The following SHROOM3 variants were observed in gnomAD, a reference collection of about 807,000 sequenced individuals.
The protein encoded by SHROOM3 is shroom family member 3.
Under a neutral mutation model 138.6 loss-of-function variants are expected in SHROOM3, and 47 were observed. The ratio of observed to expected loss-of-function variants is 0.34; its 90% CI spans 0.27 to 0.43. The LOEUF (loss-of-function observed/expected upper bound fraction) is 0.43, where lower values mean the gene tolerates loss of function less well. SHROOM3 is among the 20% of genes least tolerant of loss of function. The pLI, the probability that SHROOM3 is intolerant of heterozygous loss-of-function variation, is 1.00. For missense variants in SHROOM3, 2,491 were observed against 2,596.5 expected (o/e 0.96, Z 0.88); for synonymous variants, 1,062 against 1,063.3 (o/e 1.00, Z 0.02).
At chr4:76,555,513 G>T in intron 1 of SHROOM3, 96 bp from the exon 2 acceptor site, 1 of 1,572,880 alleles carries the variant, frequency 6.4e-7, no homozygotes, top group Non-Finnish European at 8.7e-7. Flanking sequence ...GGTCCGTTGG[G>T]CTCTGCAGGA....
At chr4:76,572,153 G>T (rs1290917570) in intron 2 of SHROOM3, among the ~76,000 whole-genome samples, 2 of 152,134 alleles carry the variant, frequency 1.3e-5, no homozygotes, top group African/African-American at 4.8e-5. Flanking sequence ...GAGATGATTT[G>T]CTAATCTTTG....
chr4:76,534,033 T>A (rs1168598055), intron 1 of SHROOM3, among the ~76,000 whole-genome samples: 1 of 152,052 alleles, frequency 6.6e-6, no homozygotes, highest in Non-Finnish European at 1.5e-5. Context: ...GGTTCAAGAG[T>A]CTATGGCATG....
At position 76,774,720 on chromosome 4, in the gene SHROOM3, G is replaced by GTTT. The variant is rs71212453; in HGVS notation, c.5622+3834_5622+3836dup. Among the ~76,000 whole-genome samples, 5 of 112,260 alleles carry GTTT rather than the reference G, an allele frequency of 4.5e-5. No homozygotes were observed. The South Asian group carries it at 1.2e-3, about 28-fold the overall frequency. 73.6% of individuals were successfully genotyped at this position (112,260 alleles called of 152,430 possible). On this transcript the variant is annotated intron_variant, in intron 10 of 10. Coordinates refer to ENST00000296043, the MANE Select transcript of SHROOM3 (RefSeq NM_020859.4). ...CAGGGTTTTTTGGGGTTTTTTTTTT[G>GTTT]TTTTTTTTTTTTTTAAGGTATGTTT...
chr4:76,752,977 A>C (rs1208791851), intron 6 of SHROOM3, among the ~76,000 whole-genome samples: 1 of 152,228 alleles, frequency 6.6e-6, no homozygotes, highest in Non-Finnish European at 1.5e-5. Flanking sequence ...TGTATGCTAC[A>C]GTCTGGAGAG....
chr4:76,486,322 C>T (rs1040803360), intron 1 of SHROOM3, among the ~76,000 whole-genome samples: 1 of 152,158 alleles, frequency 6.6e-6, no homozygotes, highest in Non-Finnish European at 1.5e-5. Context: ...GATTATTTGC[C>T]TATAAACAAG....
At chr4:76,684,252 G>A (rs554867256) in intron 2 of SHROOM3, among the ~76,000 whole-genome samples, 1 of 152,282 alleles carries the variant, frequency 6.6e-6, no homozygotes, top group East Asian at 1.9e-4. Context: ...TAATGACTTG[G>A]AGCTGCTGAC....
intron 2 of SHROOM3, among the ~76,000 whole-genome samples, chr4:76,601,794 A>G (rs912861131): frequency 5.9e-5 from 9 of 152,228 alleles, no homozygotes; most frequent in African/African-American, 2.2e-4. Context: ...GGTGTGAGCC[A>G]CGGCGCCCAG....
At chr4:76,441,326 C>A (rs918498609) in intron 1 of SHROOM3, among the ~76,000 whole-genome samples, 3 of 152,110 alleles carry the variant, frequency 2.0e-5, no homozygotes, top group African/African-American at 7.2e-5. Context: ...ATCTCCTGAC[C>A]TCGTGATCCA....
chr4:76,633,006 G>T (rs1038517989), intron 2 of SHROOM3, among the ~76,000 whole-genome samples: 2 of 152,192 alleles, frequency 1.3e-5, no homozygotes, highest in Non-Finnish European at 1.5e-5. Context: ...TCCTCAGGAG[G>T]TAGGAGCTGT....
intron 1 of SHROOM3, among the ~76,000 whole-genome samples, chr4:76,436,972 GCTT>G (rs1424411687): frequency 6.6e-6 from 1 of 152,052 alleles, no homozygotes; most frequent in Non-Finnish European, 1.5e-5. Flanking sequence ...GATTATAATG[GCTT>G]TTCACACATG....
chr4:76,767,657 A>G (rs1329736849), intron 9 of SHROOM3, among the ~76,000 whole-genome samples: 2 of 152,162 alleles, frequency 1.3e-5, no homozygotes, highest in Admixed American at 1.3e-4. Flanking sequence ...CAGCCTGGGC[A>G]ACAAGAGTGA....
At chr4:76,632,819 G>C (rs1032043702) in intron 2 of SHROOM3, among the ~76,000 whole-genome samples, 4 of 152,164 alleles carry the variant, frequency 2.6e-5, no homozygotes, top group African/African-American at 4.8e-5. Flanking sequence ...TTTTCATGGA[G>C]ACACCTTGAT....
intron 2 of SHROOM3, among the ~76,000 whole-genome samples, chr4:76,662,859 G>A (rs1421043311): frequency 2.0e-5 from 3 of 151,940 alleles, no homozygotes; most frequent in African/African-American, 7.3e-5. Context: ...TCCAGCCTGG[G>A]CAACAAAGCA....
intron 2 of SHROOM3, among the ~76,000 whole-genome samples, chr4:76,634,785 A>G (rs1437560131): frequency 6.6e-6 from 1 of 152,202 alleles, no homozygotes; most frequent in African/African-American, 2.4e-5. Context: ...TTTATTATAT[A>G]AGCAGGAAAA....
chr4:76,482,783 T>C (rs1455130003), intron 1 of SHROOM3, among the ~76,000 whole-genome samples: 1 of 152,162 alleles, frequency 6.6e-6, no homozygotes, highest in African/African-American at 2.4e-5. Flanking sequence ...AACAGCATGG[T>C]ACTGGTACCA....
intron 1 of SHROOM3, among the ~76,000 whole-genome samples, chr4:76,540,532 A>T (rs1733076341): frequency 6.6e-6 from 1 of 152,144 alleles, no homozygotes; most frequent in Non-Finnish European, 1.5e-5. Flanking sequence ...GAACAAGTAG[A>T]TTTTTTTCTT....
At chr4:76,568,798 C>T (rs1178294352) in intron 2 of SHROOM3, among the ~76,000 whole-genome samples, 1 of 152,190 alleles carries the variant, frequency 6.6e-6, no homozygotes, top group African/African-American at 2.4e-5. Flanking sequence ...CCACCTCCTA[C>T]CCCTCAGGGA....
At chr4:76,712,780 C>T (rs1357754703) in intron 3 of SHROOM3, among the ~76,000 whole-genome samples, 1 of 152,172 alleles carries the variant, frequency 6.6e-6, no homozygotes, top group Non-Finnish European at 1.5e-5. Context: ...ACATTCTGAG[C>T]AATGTGTCAT....
At position 76,656,414 on chromosome 4, in the gene SHROOM3, T is replaced by G. The variant is rs144616147; in HGVS notation, c.324-53742T>G. On this transcript the variant is annotated intron_variant, in intron 2 of 10. Transcript: ENST00000296043. ...CAGGTATTTATAATATTTCTCCACTTCTTACCTAGACACTGGATATTCCTC... is the reference window on the plus strand; with the variant it reads ...CAGGTATTTATAATATTTCTCCACTGCTTACCTAGACACTGGATATTCCTC... Among the ~76,000 whole-genome samples, 633 of 152,320 alleles carry G rather than the reference T, an allele frequency of 4.2e-3. 4 individuals carry two copies. The highest frequency in any genetic ancestry group is 6.5e-3 in the Non-Finnish European group (445 of 68,030).
Sources: gnomAD v4.1 joint callset for allele counts (sites outside exome capture counted in the v4.1 genomes callset) on GRCh38, gnomAD v4.1.1 for gene constraint, MANE v1.5 for transcripts, NCBI Gene and HGNC (gene_info 2026-07-23, HGNC 2026-07-21) for gene names.